The following RBFOX1 variants were observed in gnomAD, a reference collection of about 807,000 sequenced individuals.
RBFOX1 encodes the protein RNA binding protein fox-1 homolog 1.
A neutral mutation model predicts 57.7 loss-of-function variants in RBFOX1; 8 were observed. That is an observed-to-expected ratio of 0.14 (90% CI 0.08 to 0.25). RBFOX1 has a LOEUF of 0.25. Among genes scored for constraint, RBFOX1 ranks in the 10% least tolerant of loss-of-function variants. The pLI is 1.00. For missense variants in RBFOX1, 611 were observed against 548.5 expected (o/e 1.11, Z -1.14); for synonymous variants, 326 against 222.4 (o/e 1.47, Z -4.15).
At chr16:7,474,156 G>T (rs894280489) in intron 4 of RBFOX1, among the ~76,000 whole-genome samples, 1 of 152,078 alleles carries the variant, frequency 6.6e-6, no homozygotes, top group African/African-American at 2.4e-5. Flanking sequence ...GCATGGTGGC[G>T]CATGCCTGTA....
At chr16:5,862,221 A>G (rs1001537534) in intron 3 of RBFOX1, among the ~76,000 whole-genome samples, 1 of 152,188 alleles carries the variant, frequency 6.6e-6, no homozygotes, top group Non-Finnish European at 1.5e-5. Flanking sequence ...AACAGAAGTA[A>G]TCACCCAAAT....
chr16:6,861,258 C>G (rs962951082), intron 3 of RBFOX1, among the ~76,000 whole-genome samples: 8 of 152,146 alleles, frequency 5.3e-5, no homozygotes, highest in African/African-American at 1.9e-4. Context: ...GCACCACACT[C>G]TAACCATAGT....
At chr16:5,467,338 C>G in intron 2 of RBFOX1, 2 of 1,336,770 alleles carry the variant, frequency 1.5e-6, no homozygotes, top group East Asian at 2.5e-5. Context: ...CGTCACAGCC[C>G]TGCAACTTCA....
intron 1 of RBFOX1, among the ~76,000 whole-genome samples, chr16:6,073,778 A>T (rs2095863410): frequency 6.7e-6 from 1 of 149,810 alleles, no homozygotes; most frequent in African/African-American, 2.5e-5. Flanking sequence ...AAGCAGAACC[A>T]TAAAAGGTAT....
At chr16:7,077,476 G>T (rs545219277) in intron 4 of RBFOX1, among the ~76,000 whole-genome samples, 1 of 152,284 alleles carries the variant, frequency 6.6e-6, no homozygotes, top group East Asian at 1.9e-4. Context: ...GTGAATAACT[G>T]TGCCATTAGT....
At chr16:7,472,908 A>C (rs2061829680) in intron 4 of RBFOX1, among the ~76,000 whole-genome samples, 1 of 152,184 alleles carries the variant, frequency 6.6e-6, no homozygotes, top group Non-Finnish European at 1.5e-5. Context: ...AGCAAACGCA[A>C]TATTAATATC....
intron 2 of RBFOX1, among the ~76,000 whole-genome samples, chr16:6,431,892 G>GCTTTTCTTTCTTTCTTTCTTTCTTT (rs1491491088): frequency 7.6e-5 from 9 of 118,234 alleles, no homozygotes; most frequent in East Asian, 4.7e-4. Flanking sequence ...ATGCTTGCTT[G>GCTTTTCTTTCTTTCTTTCTTTCTTT]CTTGCTTTCT....
intron 12 of RBFOX1, among the ~76,000 whole-genome samples, chr16:7,663,306 C>A (rs77341079): frequency 0.027 from 4,065 of 152,314 alleles, 78 homozygotes; most frequent in African/African-American, 0.051. Flanking sequence ...CTCTTGTGAA[C>A]TGTAGCCCTC....
intron 4 of RBFOX1, among the ~76,000 whole-genome samples, chr16:7,455,865 T>C (rs1208612669): frequency 6.6e-6 from 1 of 152,130 alleles, no homozygotes; most frequent in African/African-American, 2.4e-5. Flanking sequence ...CATTGAAACT[T>C]ACTATGAGCC....
intron 4 of RBFOX1, among the ~76,000 whole-genome samples, chr16:5,960,721 C>T (rs1040411084): frequency 6.6e-6 from 1 of 152,162 alleles, no homozygotes; most frequent in African/African-American, 2.4e-5. Flanking sequence ...GCCGCACCTC[C>T]TCCATCATTC....
chr16:6,065,139 C>T (rs2056340529), intron 1 of RBFOX1, among the ~76,000 whole-genome samples: 1 of 151,744 alleles, frequency 6.6e-6, no homozygotes. Context: ...GTGATCCTCC[C>T]ACCTCATCCC....
In RBFOX1 at chr16:5,485,447, A is replaced by G. The variant is rs910150896; in HGVS notation, c.258+18193A>G. On this transcript the variant is annotated intron_variant, in intron 2 of 2. Coordinates refer to the RBFOX1 transcript ENST00000585867. The stretch of plus-strand genomic sequence containing the variant: ...ACCAAGAGGTGAGATCATCAGTACC[A>G]TTTTAGAGTTTACCTACCACAATTA... Among the ~76,000 whole-genome samples, 8 of 151,822 alleles carry G rather than the reference A, an allele frequency of 5.3e-5. No individual in the cohort carries two copies. The East Asian group carries it at 1.6e-3, about 29-fold the overall frequency.
chr16:6,091,957 A>G (rs1291386622), intron 1 of RBFOX1, among the ~76,000 whole-genome samples: 1 of 152,108 alleles, frequency 6.6e-6, no homozygotes, highest in Non-Finnish European at 1.5e-5. Flanking sequence ...CTGTCCATCT[A>G]CCCATGCATC....
intron 4 of RBFOX1, among the ~76,000 whole-genome samples, chr16:7,410,877 C>G (rs893359283): frequency 8.8e-5 from 13 of 147,966 alleles, no homozygotes; most frequent in Admixed American, 2.0e-4. Context: ...GTAAATCACC[C>G]TAATTGTGGG....
intron 3 of RBFOX1, among the ~76,000 whole-genome samples, chr16:5,734,444 A>G (rs1015746391): frequency 6.6e-6 from 1 of 152,200 alleles, no homozygotes; most frequent in Non-Finnish European, 1.5e-5. Flanking sequence ...AAATAAAAAG[A>G]AAGAAAGAAA....
intron 1 of RBFOX1, among the ~76,000 whole-genome samples, chr16:5,382,459 T>G (rs901780155): frequency 6.6e-6 from 1 of 152,180 alleles, no homozygotes; most frequent in Admixed American, 6.5e-5. Flanking sequence ...CCTTCTGGTA[T>G]CTACATATAA....
chr16:7,510,316 T>G (rs2074682249), intron 4 of RBFOX1: 1 of 985,646 alleles, frequency 1.0e-6, no homozygotes, highest in South Asian at 4.7e-5. Flanking sequence ...GCAGCAGGTA[T>G]TTTTGTTTTT....
At chr16:5,937,354 T>C (rs1419478973) in intron 4 of RBFOX1, among the ~76,000 whole-genome samples, 1 of 152,158 alleles carries the variant, frequency 6.6e-6, no homozygotes, top group Non-Finnish European at 1.5e-5. Flanking sequence ...TGAAGACCTC[T>C]ACCTGCCATT....
chr16:6,523,456 T>A (rs1324189737), intron 2 of RBFOX1, among the ~76,000 whole-genome samples: 2 of 152,166 alleles, frequency 1.3e-5, no homozygotes, highest in Non-Finnish European at 2.9e-5. Context: ...TCCAATGCAG[T>A]GAAGAACTCT....
Sources: allele counts gnomAD v4.1 joint callset (sites outside exome capture counted in the v4.1 genomes callset), GRCh38; gene constraint gnomAD v4.1.1; transcripts MANE v1.5; gene names NCBI Gene and HGNC (gene_info 2026-07-23, HGNC 2026-07-21).